The following CSNK1A1 variants were observed in gnomAD, a reference collection of about 807,000 sequenced individuals.
CSNK1A1 encodes casein kinase 1 alpha 1.
Under a neutral mutation model 46.1 loss-of-function variants are expected in CSNK1A1, and 7 were observed. That is an observed-to-expected ratio of 0.15 (90% CI 0.09 to 0.29). CSNK1A1 has a LOEUF of 0.29. Among genes scored for constraint, CSNK1A1 ranks in the 10% least tolerant of loss-of-function variants. The probability of loss-of-function intolerance (pLI) is 1.00; values close to 1 mark genes in which losing one functional copy is unlikely to be tolerated. For synonymous variants in CSNK1A1, 137 were observed against 141.5 expected, an observed-to-expected ratio of 0.97 and a Z score of 0.23; for missense variants, 96 against 417.1, an observed-to-expected ratio of 0.23 and a Z score of 6.71.
rs112881076 is a variant in CSNK1A1, at chr5:149,550,884, G to A, written c.81C>T (p.Ser27=). 294 of 1,614,144 alleles carry A rather than the reference G, an allele frequency of 1.8e-4. 4 individuals carry two copies. The African/African-American group carries it at 2.9e-3, about 16-fold the overall frequency. The change falls in exon 1 of 10, where the codon TCC becomes TCT. Residue 27 remains serine, a synonymous_variant. Transcript: ENST00000377843. This position sits in a 1 kb window ranked among gnomAD's most constrained non-coding sequence, Gnocchi z 4.3. ...YKLVRKIGSG[S]FGDIYLAINI... Reference sequence around the variant, plus strand: ...TGATCGCCAAATAGATGTCCCCGAAGGAGCCAGACCCGATCTTCCGTACCA... The same window carrying A: ...TGATCGCCAAATAGATGTCCCCGAAAGAGCCAGACCCGATCTTCCGTACCA...
intron 7 of CSNK1A1, among the ~76,000 whole-genome samples, chr5:149,508,400 A>G (rs888656633): frequency 6.6e-6 from 1 of 152,040 alleles, no homozygotes; most frequent in African/African-American, 2.4e-5. Flanking sequence ...CCACTTTATA[A>G]TTACTATTTT....
At chr5:149,501,650 T>G in intron 9 of CSNK1A1, 1 of 985,270 alleles carries the variant, frequency 1.0e-6, no homozygotes, top group Non-Finnish European at 1.2e-6. Flanking sequence ...AACAGATGGG[T>G]TAAGATGATG....
At chr5:149,533,202 C>G (rs1761953475) in intron 2 of CSNK1A1, among the ~76,000 whole-genome samples, 1 of 152,192 alleles carries the variant, frequency 6.6e-6, no homozygotes, top group African/African-American at 2.4e-5. Context: ...ATCAAAGTTA[C>G]TATTCATTTA....
chr5:149,512,932 G>T, intron 5 of CSNK1A1, 138 bp downstream of exon 5: 1 of 1,015,610 alleles, frequency 9.8e-7, no homozygotes, highest in Non-Finnish European at 1.4e-6. Flanking sequence ...TAAAGCAGCA[G>T]GTAAAATGAT....
At chr5:149,527,960 C>T (rs1761772968) in intron 2 of CSNK1A1, among the ~76,000 whole-genome samples, 1 of 152,170 alleles carries the variant, frequency 6.6e-6, no homozygotes, top group Non-Finnish European at 1.5e-5. Context: ...AATGTTATAA[C>T]CATCCATCTA....
intron 4 of CSNK1A1, among the ~76,000 whole-genome samples, chr5:149,516,615 A>G (rs955153492): frequency 5.3e-5 from 8 of 152,182 alleles, no homozygotes; most frequent in African/African-American, 1.9e-4. Flanking sequence ...TTATTAAATG[A>G]TGCTACGAAA....
intron 2 of CSNK1A1, among the ~76,000 whole-genome samples, chr5:149,544,765 A>ACAC (rs55977856): frequency 7.2e-6 from 1 of 139,026 alleles, no homozygotes; most frequent in South Asian, 2.2e-4. Flanking sequence ...ATATATATAT[A>ACAC]GTTATTGACC....
chr5:149,521,149 T>C (rs1351068471), intron 3 of CSNK1A1, among the ~76,000 whole-genome samples: 1 of 152,210 alleles, frequency 6.6e-6, no homozygotes, highest in Non-Finnish European at 1.5e-5. Context: ...CTTTTATTTC[T>C]ATGGGCTTCA....
In CSNK1A1 at chr5:149,496,786, T is replaced by C. The variant is rs1281541018; in HGVS notation, c.*67A>G. The C allele has an allele frequency of 2.6e-6, 4 of 1,538,030 alleles. No individual in the cohort carries two copies. The highest frequency in any genetic ancestry group is 2.2e-5 in the Admixed American group (1 of 46,314). On this transcript the variant is annotated 3_prime_UTR_variant, in exon 10 of 10. Transcript: ENST00000377843. ...TAGTGTACATATGAACTAAAATTTC[T>C]AGATTTGGGGAGAAACAAATGCTGC...
chr5:149,500,160 T>G (rs1391966096), intron 9 of CSNK1A1, among the ~76,000 whole-genome samples: 1 of 113,462 alleles, frequency 8.8e-6, no homozygotes, highest in African/African-American at 3.5e-5. Context: ...TTTTTTGAGA[T>G]GGAGTCTTGC....
At chr5:149,543,495 T>C (rs193124401) in intron 2 of CSNK1A1, among the ~76,000 whole-genome samples, 15 of 152,240 alleles carry the variant, frequency 9.9e-5, no homozygotes, top group Admixed American at 9.8e-4. Flanking sequence ...TGGTTTTTTT[T>C]TTTTAGTCCA....
At chr5:149,502,585 G>C in intron 9 of CSNK1A1, 1 of 663,858 alleles carries the variant, frequency 1.5e-6, no homozygotes, top group Non-Finnish European at 1.9e-6. Flanking sequence ...TGTGGCCCAG[G>C]CAAGTCTAGA....
In CSNK1A1 at chr5:149,550,914, A is replaced by G; in HGVS notation, c.51T>C (p.Tyr17=). The G allele has an allele frequency of 6.2e-7, 1 of 1,614,150 alleles. No individual in the cohort carries two copies. Among genetic ancestry groups the G allele is most frequent in the South Asian group, 1.1e-5 (1 of 91,086 alleles). ...SKAEFIVGGK[Y]KLVRKIGSGS... ...CAGACCCGATCTTCCGTACCAGTTT[A>G]TATTTCCCTCCGACAATGAATTCAG... The change falls in exon 1 of 10, where the codon TAT becomes TAC. Residue 17 remains tyrosine, a synonymous_variant. Transcript: ENST00000377843. The surrounding 1 kb of genome is among the most constrained non-coding windows in gnomAD (Gnocchi z 4.3).
chr5:149,550,825 C>G lies in CSNK1A1; in HGVS notation c.123+17G>C. The G allele has an allele frequency of 1.2e-6, 2 of 1,613,778 alleles. No individual in the cohort carries two copies. Among genetic ancestry groups the G allele is most frequent in the Non-Finnish European group, 1.7e-6 (2 of 1,179,836 alleles). ...TAAAAGCGCAGCGTTATCGTGAACC[C>G]CACCCCAGATGATTACCTCGCCGTT... On this transcript the variant is annotated intron_variant, in intron 1 of 9. Transcript: ENST00000377843. The surrounding 1 kb of genome is among the most constrained non-coding windows in gnomAD (Gnocchi z 4.3).
chr5:149,525,711 CA>C lies in CSNK1A1; in HGVS notation c.231-541del, dbSNP rs1761708650. On this transcript the variant is annotated intron_variant, in intron 2 of 9. Coordinates refer to ENST00000377843, the MANE Select transcript of CSNK1A1 (RefSeq NM_001892.6). This position sits in a 1 kb window ranked among gnomAD's most constrained non-coding sequence, Gnocchi z 4.2. Reference sequence around the variant, plus strand: ...TAACCCATATAACACAAGGTAATGACATTTATTTGCTTTTAACTGGAATCAT... The same window carrying C: ...TAACCCATATAACACAAGGTAATGACTTTATTTGCTTTTAACTGGAATCAT... Among the ~76,000 whole-genome samples the C allele has an allele frequency of 6.6e-6, 1 of 152,152 alleles. No individual in the cohort carries two copies. Among genetic ancestry groups the C allele is most frequent in the Admixed American group, 6.5e-5 (1 of 15,274 alleles).
At chr5:149,549,516 AAAG>A (rs1762589901) in intron 2 of CSNK1A1, 1 of 702,184 alleles carries the variant, frequency 1.4e-6, no homozygotes, top group Non-Finnish European at 2.6e-6. Flanking sequence ...CGGGGCTGCT[AAAG>A]GAGGAATCAA....
chr5:149,546,364 G>A (rs911803401), intron 2 of CSNK1A1, among the ~76,000 whole-genome samples: 2 of 152,004 alleles, frequency 1.3e-5, no homozygotes, highest in African/African-American at 4.8e-5. Flanking sequence ...GCTGGGTGCG[G>A]TGGCTCATGC....
chr5:149,509,689 C>T (rs1047586816), intron 7 of CSNK1A1, among the ~76,000 whole-genome samples, 190 bp downstream of exon 7: 1 of 152,052 alleles, frequency 6.6e-6, no homozygotes, highest in Admixed American at 6.6e-5. Flanking sequence ...CAGGCTTGAG[C>T]CACTGTGCCC....
Position 149,517,202 on chromosome 5 carries a change from A to G in CSNK1A1, c.456+3088T>C, listed in dbSNP as rs1217537569. Among the ~76,000 whole-genome samples, 1 of 152,182 alleles carries G rather than the reference A, an allele frequency of 6.6e-6. No individual in the cohort carries two copies. Among genetic ancestry groups the G allele is most frequent in the Non-Finnish European group, 1.5e-5 (1 of 68,008 alleles). ...TAAGTGCTTAAGCTATGTTATTGTT[A>G]TATTGTTAAGAATGCAGTATCTTCT... On this transcript the variant is annotated intron_variant, in intron 4 of 9. Transcript: ENST00000377843. The surrounding 1 kb of genome is among the most constrained non-coding windows in gnomAD (Gnocchi z 4.4).
Sources: allele counts gnomAD v4.1 joint callset (sites outside exome capture counted in the v4.1 genomes callset), GRCh38; gene constraint gnomAD v4.1.1; non-coding constraint Gnocchi (gnomAD v3.1); transcripts MANE v1.5; gene names NCBI Gene and HGNC (gene_info 2026-07-23, HGNC 2026-07-21).